CNTN5: variants seen among roughly 807,000 people sequenced by gnomAD.
CNTN5 encodes the protein contactin-5.
A neutral mutation model predicts 129.1 loss-of-function variants in CNTN5; 77 were observed. The ratio of observed to expected loss-of-function variants is 0.60; its 90% CI spans 0.50 to 0.72. The LOEUF is 0.72. CNTN5 is among the 30% of genes least tolerant of loss of function. The pLI, the probability that CNTN5 is intolerant of heterozygous loss-of-function variation, is 0.00. For missense variants in CNTN5, 1,478 were observed against 1,328.8 expected, an observed-to-expected ratio of 1.11 and a Z score of -1.75; for synonymous variants, 509 against 465.6, an observed-to-expected ratio of 1.09 and a Z score of -1.20.
At chr11:99,781,781 T>C (rs904463415) in intron 3 of CNTN5, among the ~76,000 whole-genome samples, 50 of 152,180 alleles carry the variant, frequency 3.3e-4, no homozygotes, top group African/African-American at 1.2e-3. Context: ...CAACAACCCT[T>C]CATGCTAAAA....
intron 21 of CNTN5, among the ~76,000 whole-genome samples, chr11:100,333,002 C>T (rs1194391831): frequency 1.3e-5 from 2 of 152,078 alleles, no homozygotes; most frequent in Admixed American, 6.6e-5. Context: ...GGAAGTCAAA[C>T]TGTCACTGTT....
At chr11:99,218,221 A>G (rs1860227412) in intron 1 of CNTN5, among the ~76,000 whole-genome samples, 1 of 151,964 alleles carries the variant, frequency 6.6e-6, no homozygotes, top group African/African-American at 2.4e-5. Context: ...TGTGACATCA[A>G]CTTCCCTTTG....
intron 9 of CNTN5, among the ~76,000 whole-genome samples, chr11:100,014,020 C>T (rs1189145948): frequency 6.6e-6 from 1 of 152,076 alleles, no homozygotes; most frequent in East Asian, 1.9e-4. Context: ...AACTTCTCCA[C>T]TAGAGAAAGA....
intron 2 of CNTN5, among the ~76,000 whole-genome samples, chr11:99,546,334 A>T (rs1948289942): frequency 6.6e-6 from 1 of 152,234 alleles, no homozygotes. Context: ...AGGGTGGAAC[A>T]GGAATTTATA....
chr11:99,570,738 T>C (rs953946078), intron 3 of CNTN5, among the ~76,000 whole-genome samples: 1 of 152,100 alleles, frequency 6.6e-6, no homozygotes, highest in South Asian at 2.1e-4. Context: ...TAATATCTAA[T>C]AGGAATAATT....
chr11:99,938,946 G>T (rs964101412), intron 7 of CNTN5, among the ~76,000 whole-genome samples: 1 of 152,010 alleles, frequency 6.6e-6, no homozygotes, highest in Admixed American at 6.6e-5. Context: ...GTATTTGTAT[G>T]ATTTGACTCA....
chr11:100,209,591 G>C (rs1409514749), intron 15 of CNTN5, among the ~76,000 whole-genome samples: 2 of 152,094 alleles, frequency 1.3e-5, no homozygotes, highest in Non-Finnish European at 2.9e-5. Flanking sequence ...TGGGTTAATT[G>C]GTTTTTCACA....
chr11:99,811,157 C>T lies in CNTN5; in HGVS notation c.56-8387C>T, dbSNP rs114366058. 5.5e-3 allele frequency among the ~76,000 whole-genome samples: 842 copies of T among 151,974 alleles called. 17 individuals are homozygous for T. Among genetic ancestry groups the T allele is most frequent in the African/African-American group, 0.019 (802 of 41,476 alleles). On this transcript the variant is annotated intron_variant, in intron 3 of 24. Coordinates refer to ENST00000524871, the MANE Select transcript of CNTN5 (RefSeq NM_014361.4). ...CCAGTAAAACTTAACAGCATTGTGTCGGGAGTCGATAGAAAAGATTCAGAT... is the reference window on the plus strand; with the variant it reads ...CCAGTAAAACTTAACAGCATTGTGTTGGGAGTCGATAGAAAAGATTCAGAT...
intron 3 of CNTN5, among the ~76,000 whole-genome samples, chr11:99,678,347 T>C (rs1225252942): frequency 6.6e-6 from 1 of 152,072 alleles, no homozygotes; most frequent in African/African-American, 2.4e-5. Flanking sequence ...CTAATATATA[T>C]ATATGATTCA....
intron 9 of CNTN5, among the ~76,000 whole-genome samples, chr11:100,041,128 C>T (rs551025989): frequency 2.0e-5 from 3 of 152,158 alleles, no homozygotes; most frequent in Admixed American, 2.0e-4. Context: ...CCTCCCTTTT[C>T]AGTATCTTAA....
At chr11:99,147,280 G>C (rs534574410) in intron 1 of CNTN5, among the ~76,000 whole-genome samples, 3 of 152,186 alleles carry the variant, frequency 2.0e-5, no homozygotes, top group Admixed American at 2.0e-4. Flanking sequence ...TACTGAAAGA[G>C]AGATTGTTTA....
At chr11:100,295,632 A>G (rs989538207) in intron 18 of CNTN5, among the ~76,000 whole-genome samples, 1 of 151,462 alleles carries the variant, frequency 6.6e-6, no homozygotes, top group Admixed American at 6.6e-5. Flanking sequence ...TTGACTAGAG[A>G]GCCTAGAGCC....
intron 3 of CNTN5, among the ~76,000 whole-genome samples, chr11:99,736,506 G>A (rs1475817762): frequency 6.6e-6 from 1 of 152,120 alleles, no homozygotes; most frequent in African/African-American, 2.4e-5. Flanking sequence ...GGTCAAAACA[G>A]CATTTTTAAA....
At chr11:99,234,216 A>G (rs903537887) in intron 1 of CNTN5, among the ~76,000 whole-genome samples, 8 of 152,168 alleles carry the variant, frequency 5.3e-5, no homozygotes, top group South Asian at 2.1e-4. Flanking sequence ...ATGGAACTAG[A>G]GAGTGAGAAT....
intron 14 of CNTN5, among the ~76,000 whole-genome samples, chr11:100,192,361 A>T (rs1347629470): frequency 6.6e-6 from 1 of 152,034 alleles, no homozygotes; most frequent in Non-Finnish European, 1.5e-5. Context: ...ATGAGGCCAG[A>T]ACTTAGAATG....
At chr11:100,274,461 G>A (rs1950465966) in intron 18 of CNTN5, among the ~76,000 whole-genome samples, 2 of 152,074 alleles carry the variant, frequency 1.3e-5, no homozygotes, top group African/African-American at 2.4e-5. Flanking sequence ...TAAAATTTTT[G>A]CAAACTCTAT....
intron 6 of CNTN5, among the ~76,000 whole-genome samples, chr11:99,873,780 TAC>T (rs1223233533): frequency 6.6e-6 from 1 of 152,156 alleles, no homozygotes; most frequent in Non-Finnish European, 1.5e-5. Flanking sequence ...TAGCACTGTT[TAC>T]AATAGCAAAA....
At chr11:100,022,092 T>G (rs1313588946) in intron 9 of CNTN5, among the ~76,000 whole-genome samples, 1 of 152,188 alleles carries the variant, frequency 6.6e-6, no homozygotes, top group Non-Finnish European at 1.5e-5. Context: ...GACTCAAATG[T>G]TAATCTCTTC....
intron 13 of CNTN5, among the ~76,000 whole-genome samples, chr11:100,089,123 T>C (rs1041902079): frequency 6.6e-6 from 1 of 152,102 alleles, no homozygotes; most frequent in Non-Finnish European, 1.5e-5. Context: ...TGAACACATG[T>C]ATGTCTTCTT....
Sources: allele counts gnomAD v4.1 joint callset (sites outside exome capture counted in the v4.1 genomes callset), GRCh38; gene constraint gnomAD v4.1.1; transcripts MANE v1.5; gene names NCBI Gene and HGNC (gene_info 2026-07-23, HGNC 2026-07-21).